The following ZNF721 variants were observed in gnomAD, a reference collection of about 807,000 sequenced individuals.
ZNF721 encodes the protein zinc finger protein 721.
ZNF721 carries 2 observed loss-of-function variants against 2.4 expected under a neutral mutation model. The observed-to-expected ratio is 0.82, with a 90% CI of 0.34 to 2.58. The LOEUF is 2.58. Ranked by LOEUF, ZNF721 falls within the 30% of genes most tolerant of loss-of-function variation. The probability of loss-of-function intolerance (pLI) is 0.11; values close to 1 mark genes in which losing one functional copy is unlikely to be tolerated. For synonymous variants in ZNF721, 398 were observed against 381.8 expected, an observed-to-expected ratio of 1.04 and a Z score of -0.50; for missense variants, 1,187 against 1,085.5, an observed-to-expected ratio of 1.09 and a Z score of -1.31.
At chr4:492,800 A>C (rs1460818268) in intron 1 of ZNF721, among the ~76,000 whole-genome samples, 2 of 150,856 alleles carry the variant, frequency 1.3e-5, no homozygotes, top group African/African-American at 4.8e-5. Flanking sequence ...CCAAAAAAAA[A>C]AAACAAAAAA....
At chr4:479,271 C>T (rs1349039772) in intron 1 of ZNF721, among the ~76,000 whole-genome samples, 1 of 152,034 alleles carries the variant, frequency 6.6e-6, no homozygotes, top group Non-Finnish European at 1.5e-5. Flanking sequence ...TGGTGGAAAC[C>T]ATTGGATCTT....
chr4:487,239 G>A (rs1212418493), intron 1 of ZNF721, among the ~76,000 whole-genome samples: 1 of 152,200 alleles, frequency 6.6e-6, no homozygotes, highest in African/African-American at 2.4e-5. Context: ...CACTGGCATA[G>A]TGTGCCAGTT....
chr4:441,635 G>A lies in ZNF721; in HGVS notation c.*60C>T. 2 of 1,385,010 alleles carry A rather than the reference G, an allele frequency of 1.4e-6. No homozygotes were observed. Among genetic ancestry groups the A allele is most frequent in the Non-Finnish European group, 2.0e-6 (2 of 1,021,764 alleles). The allele number at this position is 1,385,010 out of a possible 1,614,324, so 85.8% of individuals were successfully genotyped here. ...GTCACCTTCGTAAGACATTCCCCTG[G>A]TATGAGTTCTCTTATGTTTAAGAAT... is the stretch of plus-strand genomic sequence containing the variant. On this transcript the variant is annotated 3_prime_UTR_variant, in exon 3 of 3. Transcript: ENST00000511833.
chr4:449,773 A>G (rs1553864624), intron 2 of ZNF721, among the ~76,000 whole-genome samples: 1 of 152,170 alleles, frequency 6.6e-6, no homozygotes, highest in Non-Finnish European at 1.5e-5. Flanking sequence ...TTTCAAAAGA[A>G]ATACAAATAG....
chr4:495,760 G>A (rs1553872135), intron 1 of ZNF721, among the ~76,000 whole-genome samples: 2 of 151,932 alleles, frequency 1.3e-5, no homozygotes, highest in African/African-American at 4.8e-5. Flanking sequence ...CCGCCACCAC[G>A]CCCAGCTAAT....
intron 2 of ZNF721, among the ~76,000 whole-genome samples, chr4:444,979 CTTTTTTTTTTTTTT>C (rs569762644): frequency 9.2e-6 from 1 of 108,736 alleles, no homozygotes; most frequent in African/African-American, 4.0e-5. Context: ...TGATGAGAGA[CTTTTTTTTTTTTTT>C]TTTTTTTTTG....
chr4:456,350 G>A (rs560595541), intron 2 of ZNF721, among the ~76,000 whole-genome samples: 8 of 152,244 alleles, frequency 5.3e-5, no homozygotes, highest in Non-Finnish European at 8.8e-5. Flanking sequence ...GATTACAGGC[G>A]TGAGCCACCA....
chr4:484,802 T>C (rs1426574160), intron 1 of ZNF721, among the ~76,000 whole-genome samples: 2 of 152,224 alleles, frequency 1.3e-5, no homozygotes, highest in Non-Finnish European at 2.9e-5. Flanking sequence ...GGTCCTGTGA[T>C]CTCGCCCTGC....
intron 1 of ZNF721, among the ~76,000 whole-genome samples, chr4:484,592 T>A (rs1264245429): frequency 6.6e-6 from 1 of 152,308 alleles, no homozygotes; most frequent in African/African-American, 2.4e-5. Flanking sequence ...GGCATGGCCA[T>A]CTCTTATGGT....
chr4:472,519 A>G, intron 2 of ZNF721, 56 bp downstream of exon 2: 1 of 1,556,368 alleles, frequency 6.4e-7, no homozygotes, highest in East Asian at 2.3e-5. Flanking sequence ...TTCTACAAAA[A>G]TAGAAAATAA....
intron 1 of ZNF721, among the ~76,000 whole-genome samples, chr4:495,311 CAA>C (rs201625826): frequency 0.31 from 15,301 of 49,494 alleles, 1,178 homozygotes; most frequent in African/African-American, 0.4. Context: ...GTCAACTGAA[CAA>C]AAAAAAAAAC....
At chr4:460,327 T>C (rs1393761099) in intron 2 of ZNF721, among the ~76,000 whole-genome samples, 2 of 152,178 alleles carry the variant, frequency 1.3e-5, no homozygotes, top group Non-Finnish European at 2.9e-5. Context: ...AACTTGCTCC[T>C]GAATGACTAC....
chr4:449,940 G>C (rs892701628), intron 2 of ZNF721, among the ~76,000 whole-genome samples: 9 of 152,062 alleles, frequency 5.9e-5, no homozygotes, highest in Admixed American at 5.2e-4. Context: ...CATACAGTCG[G>C]TAAAATTGTA....
chr4:495,814 G>A (rs1716138059), intron 1 of ZNF721, among the ~76,000 whole-genome samples: 1 of 152,058 alleles, frequency 6.6e-6, no homozygotes, highest in African/African-American at 2.4e-5. Context: ...ATGTTGGCCA[G>A]GATGGTCTTG....
intron 1 of ZNF721, among the ~76,000 whole-genome samples, chr4:481,029 C>T (rs1182160954): frequency 1.3e-5 from 2 of 152,084 alleles, no homozygotes; most frequent in Non-Finnish European, 2.9e-5. Flanking sequence ...TCAAACAATC[C>T]TCCCAACTCA....
chr4:496,637 CCAA>C (rs2108726920), intron 1 of ZNF721, among the ~76,000 whole-genome samples: 1 of 151,898 alleles, frequency 6.6e-6, no homozygotes, highest in East Asian at 1.9e-4. Context: ...AAAAAAAACC[CCAA>C]CAAGACAGAA....
chr4:496,293 AC>A (rs1217589367), intron 1 of ZNF721, among the ~76,000 whole-genome samples: 8 of 151,798 alleles, frequency 5.3e-5, no homozygotes, highest in Non-Finnish European at 1.2e-4. Flanking sequence ...CAGGGCTGTT[AC>A]CCCCCGAACT....
intron 1 of ZNF721, among the ~76,000 whole-genome samples, chr4:497,496 C>T (rs1014158700): frequency 3.3e-5 from 5 of 152,156 alleles, no homozygotes; most frequent in Non-Finnish European, 5.9e-5. Context: ...ACGCCCATGA[C>T]ACAGCCTCCG....
chr4:450,959 ATATATATATATATATATATATAT>A (rs1714640722), intron 2 of ZNF721, among the ~76,000 whole-genome samples: 1 of 22,174 alleles, frequency 4.5e-5, no homozygotes, highest in Non-Finnish European at 7.3e-5. Flanking sequence ...AAAAAAAAAT[ATATATATATATATATATATATAT>A]ATATATATAT....
Sources: gnomAD v4.1 joint callset for allele counts (sites outside exome capture counted in the v4.1 genomes callset) on GRCh38, gnomAD v4.1.1 for gene constraint, MANE v1.5 for transcripts, NCBI Gene and HGNC (gene_info 2026-07-23, HGNC 2026-07-21) for gene names.